RABGAP1L: variants seen among roughly 807,000 people sequenced by gnomAD.
RABGAP1L encodes RAB GTPase activating protein 1 like, also known as rab GTPase-activating protein 1-like.
A neutral mutation model predicts 137.7 loss-of-function variants in RABGAP1L; 63 were observed. The observed-to-expected ratio is 0.46, with a 90% CI of 0.37 to 0.56. The LOEUF is 0.56. Among genes scored for constraint, RABGAP1L ranks in the 20% least tolerant of loss-of-function variants. The probability of loss-of-function intolerance (pLI) is 0.00; values close to 1 mark genes in which losing one functional copy is unlikely to be tolerated. For synonymous variants in RABGAP1L, 431 were observed against 433.7 expected, an observed-to-expected ratio of 0.99 and a Z score of 0.08; for missense variants, 1,095 against 1,244.0, an observed-to-expected ratio of 0.88 and a Z score of 1.80.
At chr1:174,600,381 C>T (rs746884666) in intron 13 of RABGAP1L, among the ~76,000 whole-genome samples, 13 of 152,148 alleles carry the variant, frequency 8.5e-5, no homozygotes, top group Admixed American at 7.9e-4. Flanking sequence ...CCAACAGTCC[C>T]GCAAAGTCTT....
At position 174,278,569 on chromosome 1, in the gene RABGAP1L, G is replaced by A. The variant is rs1002096452; in HGVS notation, c.1157-44G>A. ...AGGAAACTTTGTTTAAAGTAGACAAGGAATAATAAAGCTCGCATAAAACCC... is the reference window on the plus strand; with the variant it reads ...AGGAAACTTTGTTTAAAGTAGACAAAGAATAATAAAGCTCGCATAAAACCC... On this transcript the variant is annotated intron_variant, in intron 9 of 25. Coordinates refer to ENST00000681986, the MANE Select transcript of RABGAP1L (RefSeq NM_001366446.1). The A allele has an allele frequency of 4.0e-6, 6 of 1,492,110 alleles. No individual in the cohort carries two copies. In the African/African-American group the frequency reaches 7.1e-5, roughly 18 times the overall value. 92.4% of individuals were successfully genotyped at this position (1,492,110 alleles called of 1,614,324 possible).
intron 19 of RABGAP1L, among the ~76,000 whole-genome samples, chr1:174,881,238 C>A (rs557345885): frequency 6.6e-6 from 1 of 152,272 alleles, no homozygotes; most frequent in South Asian, 2.1e-4. Flanking sequence ...CCACTCCTAA[C>A]CCTGTAGCTC....
rs3085670 is a variant in RABGAP1L at position 174,784,011 on chromosome 1, CTTTTTTTTTTTTTTTT to C, written c.2212-27809_2212-27794del. ...GCCGTGAGTTTTTCTTCTTCTTCTT[CTTTTTTTTTTTTTTTT>C]TTTTTTTTTTTGAGACAGAGTCTGG... On this transcript the variant is annotated intron_variant, in intron 18 of 25. Transcript: ENST00000681986. Among the ~76,000 whole-genome samples the C allele has an allele frequency of 4.4e-4, 23 of 52,172 alleles. No individual in the cohort carries two copies. In the East Asian group the frequency reaches 4.6e-3, roughly 10 times the overall value. The allele number at this position is 52,172 out of a possible 152,430, so 34.2% of individuals were successfully genotyped here. A position where few individuals can be genotyped will look rare whatever the true frequency, so the allele number is the denominator to read the frequency against.
chr1:174,473,839 G>A (rs1658209814), intron 13 of RABGAP1L, among the ~76,000 whole-genome samples: 1 of 152,128 alleles, frequency 6.6e-6, no homozygotes, highest in Admixed American at 6.5e-5. Context: ...AAAAGTTCTT[G>A]GAGATTGCTT....
At chr1:174,892,060 G>T (rs1276255275) in intron 19 of RABGAP1L, among the ~76,000 whole-genome samples, 2 of 152,256 alleles carry the variant, frequency 1.3e-5, no homozygotes, top group Non-Finnish European at 2.9e-5. Context: ...GGTGGGCATG[G>T]TGGCCGCAGC....
chr1:174,536,105 T>G (rs1267165591), intron 13 of RABGAP1L, among the ~76,000 whole-genome samples: 2 of 152,142 alleles, frequency 1.3e-5, no homozygotes, highest in East Asian at 3.9e-4. Flanking sequence ...CATAACATTT[T>G]TTTCCTCTTT....
intron 18 of RABGAP1L, chr1:174,799,799 C>CGCTGCTTGT (rs1688565200): frequency 1.0e-6 from 1 of 982,554 alleles, no homozygotes; most frequent in Non-Finnish European, 1.2e-6. Context: ...GCAACAACAG[C>CGCTGCTTGT]GCTGCTTGTC....
intron 18 of RABGAP1L, among the ~76,000 whole-genome samples, chr1:174,784,549 T>G (rs1030830247): frequency 3.3e-5 from 5 of 152,134 alleles, no homozygotes; most frequent in African/African-American, 1.2e-4. Context: ...CCAGACATGG[T>G]AATGTTTTAT....
At chr1:174,947,786 G>A (rs924191479) in intron 19 of RABGAP1L, among the ~76,000 whole-genome samples, 1 of 152,152 alleles carries the variant, frequency 6.6e-6, no homozygotes, top group Non-Finnish European at 1.5e-5. Context: ...AAATAATTGT[G>A]CTCGAAGAAT....
rs143500960 is a variant in RABGAP1L at position 174,354,966 on chromosome 1, G to A, written c.1466-16013G>A. ...TGTCAGGTTTGTCAAAGATCAGATGGTTGTAGATAAGGATGTGGAGAAATA... is the reference window on the plus strand; with the variant it reads ...TGTCAGGTTTGTCAAAGATCAGATGATTGTAGATAAGGATGTGGAGAAATA... On this transcript the variant is annotated intron_variant, in intron 11 of 25. Transcript: ENST00000681986. Among the ~76,000 whole-genome samples the A allele has an allele frequency of 8.3e-4, 127 of 152,288 alleles. 2 individuals are homozygous for A. In the East Asian group the frequency reaches 0.023, roughly 27 times the overall value.
chr1:174,588,040 A>G (rs1051805319), intron 13 of RABGAP1L, among the ~76,000 whole-genome samples: 2 of 151,446 alleles, frequency 1.3e-5, no homozygotes, highest in Non-Finnish European at 2.9e-5. Context: ...AGTTTTTTGT[A>G]TTTTTAGTAG....
At position 174,547,850 on chromosome 1, in the gene RABGAP1L, T is replaced by G. The variant is rs893550478; in HGVS notation, c.1711-89525T>G. The G allele has an allele frequency of 1.2e-5, 19 of 1,530,724 alleles. No individual in the cohort carries two copies. In the Admixed American group the frequency reaches 3.7e-4, roughly 30 times the overall value. The allele number at this position is 1,530,724 out of a possible 1,614,324, so 94.8% of individuals were successfully genotyped here. ...TTTGTCTTTTAGCAACAGATGAAAT[T>G]TAGTCTTACACCGAGACAGACTATT... On this transcript the variant is annotated intron_variant, in intron 13 of 25. Coordinates refer to ENST00000681986, the MANE Select transcript of RABGAP1L (RefSeq NM_001366446.1).
At chr1:174,929,134 C>G (rs564619983) in intron 19 of RABGAP1L, among the ~76,000 whole-genome samples, 1 of 152,162 alleles carries the variant, frequency 6.6e-6, no homozygotes, top group East Asian at 1.9e-4. Context: ...TTAATGGGTG[C>G]AGCACACCAA....
intron 13 of RABGAP1L, among the ~76,000 whole-genome samples, chr1:174,398,894 T>G (rs1041458066): frequency 1.8e-4 from 27 of 152,330 alleles, no homozygotes; most frequent in Admixed American, 5.9e-4. Flanking sequence ...AAACTTAATT[T>G]ATTTTAGAAC....
At chr1:174,899,844 T>G (rs999229845) in intron 19 of RABGAP1L, among the ~76,000 whole-genome samples, 1 of 151,818 alleles carries the variant, frequency 6.6e-6, no homozygotes. Context: ...GTCATGCTAC[T>G]GAAACCCTTG....
In RABGAP1L at chr1:174,202,407, G is replaced by A. The variant is rs150504015; in HGVS notation, c.-33-16718G>A. On this transcript the variant is annotated intron_variant, in intron 1 of 25. Transcript: ENST00000681986. ...TGCATTTCTCTGATGGCCAGTGATGGTGAGCATTTTTTAATGTGGTTTTTG... is the reference window on the plus strand; with the variant it reads ...TGCATTTCTCTGATGGCCAGTGATGATGAGCATTTTTTAATGTGGTTTTTG... Among the ~76,000 whole-genome samples the A allele has an allele frequency of 7.9e-5, 12 of 152,302 alleles. No individual in the cohort carries two copies. The East Asian group carries it at 1.4e-3, about 17-fold the overall frequency.
At chr1:174,230,815 A>C (rs1256663460) in intron 3 of RABGAP1L, among the ~76,000 whole-genome samples, 1 of 152,124 alleles carries the variant, frequency 6.6e-6, no homozygotes, top group Non-Finnish European at 1.5e-5. Flanking sequence ...GTTCTTTTAC[A>C]TACTTGTACT....
chr1:174,688,106 T>C (rs75741298), intron 15 of RABGAP1L, among the ~76,000 whole-genome samples: 1 of 152,186 alleles, frequency 6.6e-6, no homozygotes, highest in Admixed American at 6.5e-5. Flanking sequence ...CCTGCAACCA[T>C]TATAATGTTC....
intron 19 of RABGAP1L, among the ~76,000 whole-genome samples, chr1:174,835,195 T>C (rs544584563): frequency 2.0e-5 from 3 of 152,286 alleles, no homozygotes; most frequent in Non-Finnish European, 2.9e-5. Flanking sequence ...AAAGTCTTTT[T>C]TTCTGAGCTG....
Sources: allele counts gnomAD v4.1 joint callset (sites outside exome capture counted in the v4.1 genomes callset), GRCh38; gene constraint gnomAD v4.1.1; transcripts MANE v1.5; gene names NCBI Gene and HGNC (gene_info 2026-07-23, HGNC 2026-07-21).